Variants in CSK observed in about 807,000 individuals in gnomAD.
CSK encodes the protein C-terminal Src kinase, also known as tyrosine-protein kinase CSK.
In CSK, 7 loss-of-function variants were observed where a neutral mutation model predicts 62.3. That is an observed-to-expected ratio of 0.11 (90% CI 0.06 to 0.21). The LOEUF is 0.21. CSK is among the 10% of genes least tolerant of loss of function. The pLI, the probability that CSK is intolerant of heterozygous loss-of-function variation, is 1.00. For synonymous variants in CSK, 237 were observed against 246.0 expected, an observed-to-expected ratio of 0.96 and a Z score of 0.34; for missense variants, 294 against 613.5, an observed-to-expected ratio of 0.48 and a Z score of 5.50.
At chr15:74,795,186 A>G (rs1252121607) in intron 1 of CSK, among the ~76,000 whole-genome samples, 4 of 152,066 alleles carry the variant, frequency 2.6e-5, no homozygotes, top group African/African-American at 4.8e-5. Context: ...AAGCCCTGCA[A>G]TCTTCAGGGC....
intron 1 of CSK, among the ~76,000 whole-genome samples, chr15:74,784,963 G>A (rs577678101): frequency 6.6e-6 from 1 of 152,146 alleles, no homozygotes; most frequent in South Asian, 2.1e-4. Flanking sequence ...TCCCAGACAC[G>A]TGGGCCAGAG....
chr15:74,788,999 A>C (rs916707976), intron 1 of CSK, among the ~76,000 whole-genome samples: 18 of 152,280 alleles, frequency 1.2e-4, no homozygotes. Flanking sequence ...CTGGGCCAGG[A>C]ATGGCAGCCT....
In CSK at chr15:74,798,423, A is replaced by T. The variant is rs1567218195; in HGVS notation, c.15+111A>T. The T allele has an allele frequency of 7.0e-7, 1 of 1,430,030 alleles. No individual in the cohort carries two copies. Among genetic ancestry groups the T allele is most frequent in the Non-Finnish European group, 9.7e-7 (1 of 1,035,970 alleles). The allele number at this position is 1,430,030 out of a possible 1,614,324, so 88.6% of individuals were successfully genotyped here. ...AGATCAACCCACTCCCCTTTTTCCC[A>T]GCACTCAGTCAGGTACAGGCCTGGG... On this transcript the variant is annotated intron_variant, in intron 2 of 12. Coordinates refer to ENST00000220003, the MANE Select transcript of CSK (RefSeq NM_004383.3). This position sits in a 1 kb window ranked among gnomAD's most constrained non-coding sequence, Gnocchi z 6.6.
In CSK at chr15:74,801,679, G is replaced by T; in HGVS notation, c.888-16G>T. 2 of 1,610,038 alleles carry T rather than the reference G, an allele frequency of 1.2e-6. No homozygotes were observed. The highest frequency in any genetic ancestry group is 3.3e-4 in the Middle Eastern group (2 of 6,040). ...GAGCCCCAGTCTGAGGGGACATGTG[G>T]CTGGCCTACCCCCAGAGATGTCTGC... is the stretch of plus-strand genomic sequence containing the variant. On this transcript the variant is annotated splice_polypyrimidine_tract_variant and intron_variant, in intron 10 of 12. Coordinates refer to ENST00000220003, the MANE Select transcript of CSK (RefSeq NM_004383.3).
chr15:74,799,101 G>T (rs933223458), intron 4 of CSK, 163 bp downstream of exon 4: 12 of 948,996 alleles, frequency 1.3e-5, no homozygotes, highest in Non-Finnish European at 1.7e-5. Context: ...AGGGCTGGGG[G>T]CAGAGGCAGG....
Position 74,799,500 on chromosome 15 carries a change from G to A in CSK, c.462+9G>A, listed in dbSNP as rs766326351. On this transcript the variant is annotated intron_variant, in intron 5 of 12. Coordinates refer to ENST00000220003, the MANE Select transcript of CSK (RefSeq NM_004383.3). ...TCATGCAGCTGGTGGAGGTGAGCTG[G>A]GGGGTACAGAGCCTTGCTCCCACCC... is the stretch of plus-strand genomic sequence containing the variant. 1.2e-6 allele frequency: 2 copies of A among 1,610,962 alleles called. No individual in the cohort carries two copies. Among genetic ancestry groups the A allele is most frequent in the Non-Finnish European group, 1.7e-6 (2 of 1,179,138 alleles).
rs186774657 is a variant in CSK at position 74,787,275 on chromosome 15, G to A, written c.-66+4555G>A. 3.3e-5 allele frequency among the ~76,000 whole-genome samples: 5 copies of A among 152,358 alleles called. No homozygotes were observed. In the East Asian group the frequency reaches 9.6e-4, roughly 29 times the overall value. Reference sequence around the variant, plus strand: ...GAGCTGGTGCTCCCTGCATGGCTGAGGGGAGAAGTGAGCAGGGAGAGGCTG... The same window carrying A: ...GAGCTGGTGCTCCCTGCATGGCTGAAGGGAGAAGTGAGCAGGGAGAGGCTG... On this transcript the variant is annotated intron_variant, in intron 1 of 12. Coordinates refer to ENST00000220003, the MANE Select transcript of CSK (RefSeq NM_004383.3).
chr15:74,794,149 C>T (rs1489036307), intron 1 of CSK, among the ~76,000 whole-genome samples: 1 of 104,798 alleles, frequency 9.5e-6, no homozygotes, highest in Non-Finnish European at 1.9e-5. Context: ...AAGGGGTCCT[C>T]ACCACCCCCA....
chr15:74,785,664 T>C (rs765866361), intron 1 of CSK, among the ~76,000 whole-genome samples: 1 of 152,194 alleles, frequency 6.6e-6, no homozygotes, highest in Non-Finnish European at 1.5e-5. Flanking sequence ...GGATTGGCAT[T>C]GTTGAAGGAG....
At chr15:74,785,343 A>C (rs2063499120) in intron 1 of CSK, among the ~76,000 whole-genome samples, 1 of 152,096 alleles carries the variant, frequency 6.6e-6, no homozygotes, top group East Asian at 1.9e-4. Context: ...TCACCCATAC[A>C]CTGGAGCGTG....
At chr15:74,799,801 C>T (rs961963659) in intron 5 of CSK, among the ~76,000 whole-genome samples, 6 of 152,350 alleles carry the variant, frequency 3.9e-5, no homozygotes, top group Middle Eastern at 3.4e-3. Context: ...GGACTAGAAT[C>T]TGAGTCTGTC....
At chr15:74,789,985 C>T (rs2063593096) in intron 1 of CSK, among the ~76,000 whole-genome samples, 2 of 152,168 alleles carry the variant, frequency 1.3e-5, no homozygotes, top group African/African-American at 2.4e-5. Flanking sequence ...CCTCTTGAGT[C>T]CTTTCCTTCT....
intron 1 of CSK, among the ~76,000 whole-genome samples, chr15:74,784,062 A>C (rs1164943786): frequency 2.6e-5 from 4 of 152,218 alleles, no homozygotes; most frequent in African/African-American, 9.6e-5. Context: ...GAACAGGGCA[A>C]GGACAGCAGG....
chr15:74,792,910 G>A (rs2063645340), intron 1 of CSK: 1 of 152,286 alleles, frequency 6.6e-6, no homozygotes, highest in African/African-American at 2.4e-5. Context: ...GTGGGGGTGG[G>A]GTGACAGCTG....
At chr15:74,793,603 C>A (rs2063658884) in intron 1 of CSK, among the ~76,000 whole-genome samples, 1 of 152,148 alleles carries the variant, frequency 6.6e-6, no homozygotes, top group Non-Finnish European at 1.5e-5. Context: ...TTCTCATCTG[C>A]AAAATGGGGA....
Position 74,800,807 on chromosome 15 carries a change from AC to A in CSK, c.623-14del. The A allele has an allele frequency of 6.2e-7, 1 of 1,606,726 alleles. No individual in the cohort carries two copies. Among genetic ancestry groups the A allele is most frequent in the Non-Finnish European group, 8.5e-7 (1 of 1,176,760 alleles). On this transcript the variant is annotated splice_polypyrimidine_tract_variant and intron_variant, in intron 7 of 12. Transcript: ENST00000220003. ...GGACTCCGAACTTGGGAACAAGACCACCTCTCTGCCCCCAGACGTGATGCTG... is the reference window on the plus strand; with the variant it reads ...GGACTCCGAACTTGGGAACAAGACCACTCTCTGCCCCCAGACGTGATGCTG...
rs35808956 is a variant in CSK at position 74,790,223 on chromosome 15, G to A, written c.-66+7503G>A. 2.8e-3 allele frequency among the ~76,000 whole-genome samples: 431 copies of A among 152,324 alleles called. 6 individuals are homozygous for A. The East Asian group carries it at 0.077, about 27-fold the overall frequency. ...GGTCTTTTGTGCACTTCCCTTTTCA[G>A]TGGGTATTTTTAGCTGGGCGTAAAC... On this transcript the variant is annotated intron_variant, in intron 1 of 12. Coordinates refer to ENST00000220003, the MANE Select transcript of CSK (RefSeq NM_004383.3).
chr15:74,802,423 C>T lies in CSK; in HGVS notation c.1263C>T (p.Asn421=). 6.2e-7 allele frequency: 1 copy of T among 1,613,064 alleles called. No individual in the cohort carries two copies. The highest frequency in any genetic ancestry group is 8.5e-7 in the Non-Finnish European group (1 of 1,179,880). ...CCGCAGTCTATGAAGTCATGAAGAA[C>T]TGCTGGCACCTGGACGCCGCCATGC... ...CPPAVYEVMK[N]CWHLDAAMRP... The change falls in exon 13 of 13, where the codon AAC becomes AAT. Residue 421 remains asparagine (N), a synonymous_variant. Transcript: ENST00000220003.
intron 1 of CSK, among the ~76,000 whole-genome samples, chr15:74,783,155 G>A (rs1175841619): frequency 6.6e-6 from 1 of 151,944 alleles, no homozygotes; most frequent in East Asian, 1.9e-4. Flanking sequence ...GACCCTGCGG[G>A]CTGCAAGCAA....
Sources: allele counts gnomAD v4.1 joint callset (sites outside exome capture counted in the v4.1 genomes callset), GRCh38; gene constraint gnomAD v4.1.1; non-coding constraint Gnocchi (gnomAD v3.1); transcripts MANE v1.5; gene names NCBI Gene and HGNC (gene_info 2026-07-23, HGNC 2026-07-21).